The following NTN1 variants were observed in gnomAD, a reference collection of about 807,000 sequenced individuals.
NTN1 encodes netrin-1.
Under a neutral mutation model 54.2 loss-of-function variants are expected in NTN1, and 11 were observed. That is an observed-to-expected ratio of 0.20 (90% CI 0.13 to 0.34). NTN1 has a LOEUF of 0.34. NTN1 is among the 10% of genes least tolerant of loss of function. The pLI, the probability that NTN1 is intolerant of heterozygous loss-of-function variation, is 1.00. For missense variants in NTN1, 740 were observed against 893.1 expected, an observed-to-expected ratio of 0.83 and a Z score of 2.18; for synonymous variants, 371 against 382.0, an observed-to-expected ratio of 0.97 and a Z score of 0.33.
chr17:9,138,136 T>C (rs1242402190), intron 2 of NTN1, among the ~76,000 whole-genome samples: 1 of 152,226 alleles, frequency 6.6e-6, no homozygotes, highest in African/African-American at 2.4e-5. Context: ...TGAGTGACTT[T>C]TAAGTTGTCT....
At chr17:9,225,713 C>T (rs974641255) in intron 6 of NTN1, among the ~76,000 whole-genome samples, 25 of 152,012 alleles carry the variant, frequency 1.6e-4, no homozygotes, top group Admixed American at 1.4e-3. Flanking sequence ...GCCGCCAAAC[C>T]GGGCGGGCCA....
chr17:9,106,620 T>C (rs1412193825), intron 2 of NTN1, among the ~76,000 whole-genome samples: 1 of 151,706 alleles, frequency 6.6e-6, no homozygotes, highest in African/African-American at 2.4e-5. Flanking sequence ...TTCAAGCAAT[T>C]CTCCTGCCTC....
chr17:9,108,887 C>CT (rs1308684468), intron 2 of NTN1, among the ~76,000 whole-genome samples: 1 of 151,746 alleles, frequency 6.6e-6, no homozygotes, highest in African/African-American at 2.4e-5. Context: ...TCTTTTCTTT[C>CT]TTTTTTTGAG....
chr17:9,156,246 T>A (rs917240863), intron 2 of NTN1, among the ~76,000 whole-genome samples: 5 of 151,918 alleles, frequency 3.3e-5, no homozygotes, highest in African/African-American at 9.7e-5. Flanking sequence ...TGGTTTTTTT[T>A]TTTTTTTGGA....
At chr17:9,125,802 G>A (rs17809081) in intron 2 of NTN1, among the ~76,000 whole-genome samples, 17,555 of 152,178 alleles carry the variant, frequency 0.12, 1,527 homozygotes, top group East Asian at 0.4. Context: ...ATGATCACGT[G>A]ACCTTCTGCA....
intron 5 of NTN1, among the ~76,000 whole-genome samples, chr17:9,194,103 G>T (rs1904557389): frequency 6.6e-6 from 1 of 151,728 alleles, no homozygotes; most frequent in South Asian, 2.1e-4. Context: ...GGACATGGTG[G>T]CAGGCACCTG....
chr17:9,108,980 G>A (rs976537244), intron 2 of NTN1, among the ~76,000 whole-genome samples: 18 of 151,918 alleles, frequency 1.2e-4, no homozygotes, highest in African/African-American at 4.1e-4. Flanking sequence ...GGGTTCAAGC[G>A]ATTCTCCTGC....
intron 2 of NTN1, among the ~76,000 whole-genome samples, chr17:9,110,973 T>G (rs1177015879): frequency 6.7e-6 from 1 of 148,870 alleles, no homozygotes; most frequent in Non-Finnish European, 1.5e-5. Context: ...CTTACTCTGT[T>G]GCTCAGGCAG....
intron 2 of NTN1, among the ~76,000 whole-genome samples, chr17:9,070,371 C>T (rs771005949): frequency 1.3e-5 from 2 of 152,070 alleles, no homozygotes; most frequent in African/African-American, 2.4e-5. Flanking sequence ...TTCTTTCTCC[C>T]GAGAAAGGAA....
intron 2 of NTN1, among the ~76,000 whole-genome samples, chr17:9,043,129 G>A (rs1483239857): frequency 4.6e-5 from 7 of 151,810 alleles, no homozygotes; most frequent in African/African-American, 1.7e-4. Context: ...TCAAGCATAG[G>A]ATTCTATATA....
intron 2 of NTN1, among the ~76,000 whole-genome samples, chr17:9,044,175 G>A (rs537790073): frequency 5.3e-5 from 8 of 151,844 alleles, no homozygotes; most frequent in Non-Finnish European, 1.0e-4. Context: ...TCATCTCCAG[G>A]AGGTTATATC....
chr17:9,234,240 G>A (rs1172820898), intron 6 of NTN1, among the ~76,000 whole-genome samples: 1 of 152,218 alleles, frequency 6.6e-6, no homozygotes, highest in East Asian at 1.9e-4. Flanking sequence ...AGAGTTCTTG[G>A]AATGAAAGAC....
At chr17:9,157,989 C>T (rs73976419) in intron 2 of NTN1, among the ~76,000 whole-genome samples, 105 of 152,304 alleles carry the variant, frequency 6.9e-4, no homozygotes, top group African/African-American at 2.4e-3. Context: ...AGTTGGGTGA[C>T]GCCTCTGTGT....
In NTN1 at chr17:9,022,587, C is replaced by T; in HGVS notation, c.214C>T (p.Arg72Trp). 1.3e-6 allele frequency: 2 copies of T among 1,545,358 alleles called. No homozygotes were observed. Among genetic ancestry groups the T allele is most frequent in the South Asian group, 1.2e-5 (1 of 84,040 alleles). ...CGTGCGCGTGTCCAGCACCTGCGGC[C>T]GGCCCCCGGCGCGCTACTGCGTGGT... Reference protein sequence around the residue: ...KDVRVSSTCGRPPARYCVVSE... With the variant: ...KDVRVSSTCGWPPARYCVVSE... The change falls in exon 2 of 7, where the codon CGG (arginine) becomes TGG (tryptophan). Residue 72 changes from arginine to tryptophan, a missense_variant. Coordinates refer to ENST00000173229, the MANE Select transcript of NTN1 (RefSeq NM_004822.3).
chr17:9,020,294 G>C (rs527406316), upstream of NTN1, among the ~76,000 whole-genome samples: 1 of 152,246 alleles, frequency 6.6e-6, no homozygotes, highest in African/African-American at 2.4e-5. Flanking sequence ...AAATAAACGA[G>C]CAGAGATTCC....
At chr17:9,237,088 A>C (rs1906016676) in intron 6 of NTN1, among the ~76,000 whole-genome samples, 3 of 152,232 alleles carry the variant, frequency 2.0e-5, no homozygotes, top group Admixed American at 1.3e-4. Context: ...CAACATCCCC[A>C]AAATCTTCAA....
intron 2 of NTN1, among the ~76,000 whole-genome samples, chr17:9,083,979 G>T (rs920823307): frequency 6.6e-6 from 1 of 152,230 alleles, no homozygotes; most frequent in Non-Finnish European, 1.5e-5. Context: ...GAGAGCCACC[G>T]GGCTGGGGAA....
chr17:9,155,862 A>G (rs2092340413), intron 2 of NTN1, among the ~76,000 whole-genome samples: 1 of 152,120 alleles, frequency 6.6e-6, no homozygotes, highest in Admixed American at 6.5e-5. Flanking sequence ...CTATCCCTGG[A>G]TGCAAACAGC....
intron 3 of NTN1, among the ~76,000 whole-genome samples, chr17:9,169,388 C>T (rs1182895122): frequency 5.3e-5 from 8 of 152,208 alleles, no homozygotes; most frequent in African/African-American, 1.9e-4. Context: ...GCAGTCTTTA[C>T]AGATGAAAAG....
Sources: gnomAD v4.1 joint callset for allele counts (sites outside exome capture counted in the v4.1 genomes callset) on GRCh38, gnomAD v4.1.1 for gene constraint, MANE v1.5 for transcripts, NCBI Gene and HGNC (gene_info 2026-07-23, HGNC 2026-07-21) for gene names.